LMBRD1: variants seen among roughly 807,000 people sequenced by gnomAD.
The protein encoded by LMBRD1 is lysosomal cobalamin transport escort protein LMBD1.
In LMBRD1, 64 loss-of-function variants were observed where a neutral mutation model predicts 74.8. That is an observed-to-expected ratio of 0.86 (90% CI 0.70 to 1.05). LMBRD1 has a LOEUF of 1.05. LMBRD1 is among the 50% of genes least tolerant of loss of function. The pLI is 0.00. For missense variants in LMBRD1, 652 were observed against 645.9 expected (o/e 1.01, Z -0.10); for synonymous variants, 204 against 216.3 (o/e 0.94, Z 0.50).
intron 6 of LMBRD1, 95 bp downstream of exon 6, chr6:69,741,694 T>C: frequency 1.3e-6 from 1 of 795,736 alleles, no homozygotes; most frequent in Non-Finnish European, 2.1e-6. Flanking sequence ...CAGCTGGGGT[T>C]AAATTCTTAA....
chr6:69,773,823 A>C (rs1234782758), intron 3 of LMBRD1, among the ~76,000 whole-genome samples: 2 of 152,216 alleles, frequency 1.3e-5, no homozygotes, highest in Non-Finnish European at 2.9e-5. Context: ...ATTTTTCATC[A>C]ACACTAGCAT....
chr6:69,728,550 C>T (rs142552830), intron 7 of LMBRD1, among the ~76,000 whole-genome samples: 9 of 152,276 alleles, frequency 5.9e-5, no homozygotes, highest in African/African-American at 2.2e-4. Flanking sequence ...ATTAGGTTCC[C>T]TGAATGCACT....
intron 9 of LMBRD1, among the ~76,000 whole-genome samples, chr6:69,703,455 C>CA (rs530645065): frequency 0.01 from 1,263 of 122,578 alleles, 19 homozygotes; most frequent in Middle Eastern, 0.05. Context: ...TCCATTTTGG[C>CA]AAAAAAAAAA....
chr6:69,704,721 T>C (rs1766211631), intron 9 of LMBRD1, among the ~76,000 whole-genome samples: 1 of 152,156 alleles, frequency 6.6e-6, no homozygotes, highest in Non-Finnish European at 1.5e-5. Context: ...TTATTAGTAC[T>C]AAATTAGGAC....
At chr6:69,739,307 TATTA>T (rs1447615991) in intron 6 of LMBRD1, among the ~76,000 whole-genome samples, 1 of 152,180 alleles carries the variant, frequency 6.6e-6, no homozygotes, top group Non-Finnish European at 1.5e-5. Context: ...AATTGATCAT[TATTA>T]ATTATTCCCA....
At chr6:69,679,541 T>C (rs1192973261) in intron 14 of LMBRD1, among the ~76,000 whole-genome samples, 3 of 152,188 alleles carry the variant, frequency 2.0e-5, no homozygotes, top group Non-Finnish European at 2.9e-5. Flanking sequence ...TAAAAGGGGA[T>C]ATTTTAAATT....
intron 7 of LMBRD1, among the ~76,000 whole-genome samples, chr6:69,733,674 G>A (rs1286723492): frequency 6.6e-6 from 1 of 152,110 alleles, no homozygotes; most frequent in African/African-American, 2.4e-5. Context: ...TGGCTTGGCA[G>A]CAAAACCTGA....
intron 3 of LMBRD1, among the ~76,000 whole-genome samples, chr6:69,759,975 G>T (rs1765342489): frequency 6.6e-6 from 1 of 152,050 alleles, no homozygotes; most frequent in South Asian, 2.1e-4. Context: ...CACCAGACTA[G>T]CAAAAACTAA....
At chr6:69,691,884 A>AT (rs1032157187) in intron 14 of LMBRD1, among the ~76,000 whole-genome samples, 4 of 151,224 alleles carry the variant, frequency 2.6e-5, no homozygotes, top group African/African-American at 9.7e-5. Flanking sequence ...TCAAAAAAAA[A>AT]AAAAAAAAAA....
At chr6:69,689,488 G>C (rs1562084586) in intron 14 of LMBRD1, among the ~76,000 whole-genome samples, 1 of 152,096 alleles carries the variant, frequency 6.6e-6, no homozygotes. Context: ...TTCAAGGTGA[G>C]AACCTGGTTA....
chr6:69,786,326 T>C (rs1474507033), intron 2 of LMBRD1, among the ~76,000 whole-genome samples: 1 of 152,158 alleles, frequency 6.6e-6, no homozygotes. Flanking sequence ...AGACATCTAA[T>C]AACAGTCCAT....
At chr6:69,724,176 C>A (rs1049672755) in intron 7 of LMBRD1, among the ~76,000 whole-genome samples, 19 of 151,548 alleles carry the variant, frequency 1.3e-4, no homozygotes, top group African/African-American at 4.6e-4. Context: ...TAATTAAAAG[C>A]CTCCCAATAA....
In LMBRD1 at chr6:69,679,957, AT is replaced by A. The variant is rs1172651686; in HGVS notation, c.1418-3417del. ...TACTCAAATGGTTGCAAGTCTTAAG[AT>A]TTCAGACACGCATGTCCAACAGTAG... is the stretch of plus-strand genomic sequence containing the variant. On this transcript the variant is annotated intron_variant, in intron 14 of 15. Transcript: ENST00000649934. Among the ~76,000 whole-genome samples, 3 of 152,162 alleles carry A rather than the reference AT, an allele frequency of 2.0e-5. No homozygotes were observed. In the East Asian group the frequency reaches 5.8e-4, roughly 29 times the overall value.
intron 14 of LMBRD1, among the ~76,000 whole-genome samples, chr6:69,695,262 A>AC (rs1765970124): frequency 6.6e-6 from 1 of 151,924 alleles, no homozygotes; most frequent in Non-Finnish European, 1.5e-5. Flanking sequence ...AAAAAAAAAA[A>AC]GTTCTTGACT....
At chr6:69,773,693 G>A (rs1029514148) in intron 3 of LMBRD1, among the ~76,000 whole-genome samples, 2 of 152,024 alleles carry the variant, frequency 1.3e-5, no homozygotes, top group Non-Finnish European at 2.9e-5. Flanking sequence ...CTAATAAACT[G>A]GGATTTTTCT....
At chr6:69,750,805 T>A (rs955078436) in intron 4 of LMBRD1, among the ~76,000 whole-genome samples, 1 of 152,156 alleles carries the variant, frequency 6.6e-6, no homozygotes, top group Non-Finnish European at 1.5e-5. Flanking sequence ...AATAACAATT[T>A]TGACTCTCTT....
chr6:69,737,108 C>T (rs959153825), intron 7 of LMBRD1, among the ~76,000 whole-genome samples: 6 of 152,142 alleles, frequency 3.9e-5, no homozygotes, highest in African/African-American at 1.4e-4. Context: ...TAGCCATTTC[C>T]TTTATGTCTA....
chr6:69,780,319 C>T (rs906477153), intron 3 of LMBRD1, among the ~76,000 whole-genome samples, 175 bp downstream of exon 3: 7 of 151,998 alleles, frequency 4.6e-5, no homozygotes, highest in African/African-American at 1.7e-4. Context: ...TTTCTTTCTT[C>T]CCCCTTCTTT....
rs1345353759 is a variant in LMBRD1 at position 69,752,392 on chromosome 6, T to TA, written c.308-37dup. 2.0e-6 allele frequency: 3 copies of TA among 1,501,412 alleles called. No homozygotes were observed. In the South Asian group the frequency reaches 3.4e-5, roughly 17 times the overall value. The allele number at this position is 1,501,412 out of a possible 1,614,324, so 93.0% of individuals were successfully genotyped here. A position where few individuals can be genotyped will look rare whatever the true frequency, so the allele number is the denominator to read the frequency against. On this transcript the variant is annotated intron_variant, in intron 3 of 15. Coordinates refer to ENST00000649934, the MANE Select transcript of LMBRD1 (RefSeq NM_018368.4). The stretch of plus-strand genomic sequence containing the variant: ...AAATAATAAACCGAGCTTTACTAAA[T>TA]ACATATGTACTTAATCATGGTTATC...
Sources: allele counts gnomAD v4.1 joint callset (sites outside exome capture counted in the v4.1 genomes callset), GRCh38; gene constraint gnomAD v4.1.1; transcripts MANE v1.5; gene names NCBI Gene and HGNC (gene_info 2026-07-23, HGNC 2026-07-21).